SASH1: variants seen among roughly 807,000 people sequenced by gnomAD.
SASH1 encodes the protein SAM and SH3 domain-containing protein 1.
Under a neutral mutation model 125.2 loss-of-function variants are expected in SASH1, and 44 were observed. The observed-to-expected ratio is 0.35, with a 90% confidence interval of 0.28 to 0.45. The LOEUF (loss-of-function observed/expected upper bound fraction) is 0.45, where lower values mean the gene tolerates loss of function less well. Among genes scored for constraint, SASH1 ranks in the 20% least tolerant of loss-of-function variants. The pLI is 1.00. For synonymous variants in SASH1, 639 were observed against 649.1 expected, an observed-to-expected ratio of 0.98 and a Z score of 0.24; for missense variants, 1,426 against 1,614.5, an observed-to-expected ratio of 0.88 and a Z score of 2.00.
At chr6:148,421,549 C>A (rs1175869355) in intron 2 of SASH1, among the ~76,000 whole-genome samples, 1 of 152,232 alleles carries the variant, frequency 6.6e-6, no homozygotes, top group Admixed American at 6.5e-5. Flanking sequence ...GGTGATCCAC[C>A]CACCTTGGCC....
chr6:148,374,091 A>G (rs1194710695), intron 1 of SASH1, among the ~76,000 whole-genome samples: 3 of 152,246 alleles, frequency 2.0e-5, no homozygotes, highest in Non-Finnish European at 4.4e-5. Flanking sequence ...AGTACATTGA[A>G]TTTTTTGCAG....
intron 2 of SASH1, among the ~76,000 whole-genome samples, chr6:148,415,631 T>C (rs989345222): frequency 6.6e-6 from 1 of 152,220 alleles, no homozygotes; most frequent in Non-Finnish European, 1.5e-5. Flanking sequence ...CAAATAGGTT[T>C]GAACACATGC....
intron 4 of SASH1, among the ~76,000 whole-genome samples, chr6:148,449,776 G>T (rs36097623): frequency 0.045 from 6,856 of 152,258 alleles, 201 homozygotes; most frequent in Non-Finnish European, 0.066. Context: ...GGCTTCCGGG[G>T]AGGGCCGTCC....
At position 148,487,686 on chromosome 6, in the gene SASH1, C is replaced by G. The variant is rs772523657; in HGVS notation, c.700C>G (p.Pro234Ala). ...TGCTGACTGGCCAGATGGTTCTTAC[C>G]CAACGTTTGATGGCTCATCAAACTG... ...DPADWPDGSY[P>A]TFDGSSNCNS... The change falls in exon 8 of 20, where the codon CCA becomes GCA. Residue 234 changes from proline to alanine, a missense_variant. Transcript: ENST00000367467. 6.2e-7 allele frequency: 1 copy of G among 1,613,436 alleles called. No individual in the cohort carries two copies. Among genetic ancestry groups the G allele is most frequent in the Non-Finnish European group, 8.5e-7 (1 of 1,179,596 alleles).
At chr6:148,335,464 CAAAA>C (rs534202487) in intron 1 of SASH1, among the ~76,000 whole-genome samples, 10 of 79,906 alleles carry the variant, frequency 1.3e-4, no homozygotes, top group African/African-American at 4.1e-4. Flanking sequence ...GACTCTGTCT[CAAAA>C]AAAAAAAAAA....
At chr6:148,505,787 G>A (rs997317503) in intron 8 of SASH1, among the ~76,000 whole-genome samples, 4 of 151,940 alleles carry the variant, frequency 2.6e-5, no homozygotes, top group African/African-American at 9.7e-5. Flanking sequence ...ACAGGCATGT[G>A]CCACCACACA....
chr6:148,345,215 A>G (rs1582994035), intron 1 of SASH1, among the ~76,000 whole-genome samples: 1 of 151,990 alleles, frequency 6.6e-6, no homozygotes, highest in Non-Finnish European at 1.5e-5. Flanking sequence ...ACTTGGGCTG[A>G]GGGTTCTTTT....
chr6:148,523,955 T>C (rs937140624), intron 10 of SASH1, among the ~76,000 whole-genome samples: 5 of 151,782 alleles, frequency 3.3e-5, no homozygotes, highest in Non-Finnish European at 7.4e-5. Flanking sequence ...ATGAAGAATC[T>C]AAAGCTCAGA....
intron 8 of SASH1, among the ~76,000 whole-genome samples, chr6:148,494,126 G>A (rs1779217799): frequency 6.6e-6 from 1 of 152,180 alleles, no homozygotes; most frequent in Non-Finnish European, 1.5e-5. Context: ...TGGTGGGTAA[G>A]AGTTAGTGAT....
At chr6:148,421,215 A>AAGAAAGAAAGAG (rs1554255027) in intron 2 of SASH1, among the ~76,000 whole-genome samples, 8 of 125,520 alleles carry the variant, frequency 6.4e-5, no homozygotes, top group African/African-American at 1.4e-4. Context: ...GAAAGAAAGA[A>AAGAAAGAAAGAG]AAAGAAAGAA....
At chr6:148,456,848 G>T (rs952363158) in intron 4 of SASH1, among the ~76,000 whole-genome samples, 1 of 138,128 alleles carries the variant, frequency 7.2e-6, no homozygotes. Flanking sequence ...CTGGCCAACA[G>T]AGTGAGACCC....
chr6:148,235,154 A>G, the SASH1 span, among the ~76,000 whole-genome samples: 1 of 152,192 alleles, frequency 6.6e-6, no homozygotes, highest in Non-Finnish European at 1.5e-5. Flanking sequence ...AATGGTAATC[A>G]CATAACCAAA....
chr6:148,485,829 A>G (rs1778814350), intron 7 of SASH1, among the ~76,000 whole-genome samples: 1 of 152,198 alleles, frequency 6.6e-6, no homozygotes, highest in Non-Finnish European at 1.5e-5. Context: ...TCCAGTCACC[A>G]TCACGTGGGC....
At chr6:148,527,657 GC>G (rs1781264071) in intron 12 of SASH1, 61 bp downstream of exon 12, 2 of 1,510,728 alleles carry the variant, frequency 1.3e-6, no homozygotes, top group Non-Finnish European at 9.0e-7. Flanking sequence ...GCTGAGAATG[GC>G]CCTTCTGAGA....
chr6:148,247,799 G>A, the SASH1 span, among the ~76,000 whole-genome samples: 6 of 152,284 alleles, frequency 3.9e-5, no homozygotes, highest in South Asian at 6.2e-4. Context: ...TTAAGTTATG[G>A]AAATACTTTC....
chr6:148,255,803 C>T, the SASH1 span, among the ~76,000 whole-genome samples: 2 of 151,978 alleles, frequency 1.3e-5, no homozygotes, highest in South Asian at 2.1e-4. Flanking sequence ...CCACCATGCC[C>T]AGCTAATTTT....
In SASH1 at chr6:148,514,471, A is replaced by AT. The variant is rs1780327780; in HGVS notation, c.862+15_862+16insT. On this transcript the variant is annotated intron_variant, in intron 9 of 19. Transcript: ENST00000367467. ...CAGCACTGAAGGTAAAAAAAAAAAA[A>AT]AAAAAAAAAAAAAAAGGCAGACTCC... The AT allele has an allele frequency of 7.1e-7, 1 of 1,403,994 alleles. No individual in the cohort carries two copies. Among genetic ancestry groups the AT allele is most frequent in the Non-Finnish European group, 9.3e-7 (1 of 1,072,008 alleles). The allele number at this position is 1,403,994 out of a possible 1,614,324, so 87.0% of individuals were successfully genotyped here.
chr6:148,439,843 G>A (rs1465722693), intron 2 of SASH1, among the ~76,000 whole-genome samples: 1 of 152,076 alleles, frequency 6.6e-6, no homozygotes, highest in African/African-American at 2.4e-5. Flanking sequence ...ATGGGTTGCA[G>A]TAAATTCAGT....
intron 1 of SASH1, among the ~76,000 whole-genome samples, chr6:148,353,011 T>A (rs1479137728): frequency 1.3e-5 from 2 of 152,150 alleles, no homozygotes; most frequent in Non-Finnish European, 1.5e-5. Context: ...CTAACAATAG[T>A]TGAATCTCTT....
Sources: allele counts gnomAD v4.1 joint callset (sites outside exome capture counted in the v4.1 genomes callset), GRCh38; gene constraint gnomAD v4.1.1; transcripts MANE v1.5; gene names NCBI Gene and HGNC (gene_info 2026-07-23, HGNC 2026-07-21).